The following ENTPD4 variants were observed in gnomAD, a reference collection of about 807,000 sequenced individuals.
ENTPD4 encodes the protein Golgi UDPase.
A neutral mutation model predicts 79.1 loss-of-function variants in ENTPD4; 60 were observed. The observed-to-expected ratio is 0.76, with a 90% CI of 0.62 to 0.94. The LOEUF is 0.94. ENTPD4 is among the 40% of genes least tolerant of loss of function. The pLI, the probability that ENTPD4 is intolerant of heterozygous loss-of-function variation, is 0.00. For synonymous variants in ENTPD4, 276 were observed against 292.0 expected (o/e 0.95, Z 0.56); for missense variants, 772 against 775.1 (o/e 1.00, Z 0.05).
chr8:23,435,466 T>C lies in ENTPD4; in HGVS notation c.1386A>G (p.Ala462=). ...KFTKAAKDYC[A]TKWSILRERF... ...GTTCCCGCAAAATGGACCACTTTGT[T>C]GCACAATAATCCTGAAAACAAATTC... The change falls in exon 11 of 13, where the codon GCA becomes GCG. Residue 462 remains alanine (A), a synonymous_variant. Coordinates refer to ENST00000358689, the MANE Select transcript of ENTPD4 (RefSeq NM_004901.5). 1.2e-6 allele frequency: 2 copies of C among 1,613,742 alleles called. No homozygotes were observed. The highest frequency in any genetic ancestry group is 1.7e-6 in the Non-Finnish European group (2 of 1,179,642).
intron 1 of ENTPD4, among the ~76,000 whole-genome samples, chr8:23,450,260 A>G (rs1800836036): frequency 6.6e-6 from 1 of 152,236 alleles, no homozygotes; most frequent in African/African-American, 2.4e-5. Context: ...AAATATCAGG[A>G]TATCAAATAG....
chr8:23,434,233 C>G, intron 12 of ENTPD4, 84 bp downstream of exon 12: 1 of 1,543,104 alleles, frequency 6.5e-7, no homozygotes, highest in Non-Finnish European at 8.8e-7. Flanking sequence ...ATGCCCCAAA[C>G]AGCCACAGAC....
rs988771783 is a variant in ENTPD4, at chr8:23,432,439, A to G, written c.*487T>C. ...GAATTTCCCTCTTCCCCACTCCTCA[A>G]TTTAATGCTGTACTCAAAATGGCTA... On this transcript the variant is annotated 3_prime_UTR_variant, in exon 13 of 13. Coordinates refer to ENST00000358689, the MANE Select transcript of ENTPD4 (RefSeq NM_004901.5). The G allele has an allele frequency of 5.1e-6, 5 of 985,914 alleles. No individual in the cohort carries two copies. In the African/African-American group the frequency reaches 8.7e-5, roughly 17 times the overall value. The allele number at this position is 985,914 out of a possible 1,614,324, so 61.1% of individuals were successfully genotyped here. A position where few individuals can be genotyped will look rare whatever the true frequency, so the allele number is the denominator to read the frequency against.
intron 1 of ENTPD4, among the ~76,000 whole-genome samples, chr8:23,454,692 T>C (rs1446942314): frequency 1.3e-5 from 2 of 152,156 alleles, no homozygotes; most frequent in African/African-American, 2.4e-5. Flanking sequence ...CTTTGTGTCA[T>C]CTGAGGTTTG....
In ENTPD4 at chr8:23,429,956, A is replaced by T. The variant is rs1800426630; in HGVS notation, c.*2970T>A. 1.0e-6 allele frequency: 1 copy of T among 985,458 alleles called. No homozygotes were observed. Among genetic ancestry groups the T allele is most frequent in the Non-Finnish European group, 1.2e-6 (1 of 829,938 alleles). 61.0% of individuals were successfully genotyped at this position (985,458 alleles called of 1,614,324 possible). ...TGAGAAGCCCATGATATGGCTATGG[A>T]ACATAAGCACTTATTGCTGGCATGT... On this transcript the variant is annotated 3_prime_UTR_variant, in exon 13 of 13. Coordinates refer to ENST00000358689, the MANE Select transcript of ENTPD4 (RefSeq NM_004901.5).
Position 23,437,560 on chromosome 8 carries a change from A to C in ENTPD4, c.1050-302T>G, listed in dbSNP as rs140254387. ...CTGATGTTCCCAGCTGCTGGGCACAAGGCAACTGTGTTACCAGCCCCATTT... is the reference window on the plus strand; with the variant it reads ...CTGATGTTCCCAGCTGCTGGGCACACGGCAACTGTGTTACCAGCCCCATTT... On this transcript the variant is annotated intron_variant, in intron 9 of 12. Transcript: ENST00000358689. Among the ~76,000 whole-genome samples, 1,438 of 152,306 alleles carry C rather than the reference A, an allele frequency of 9.4e-3. 22 individuals are homozygous for C. Among genetic ancestry groups the C allele is most frequent in the African/African-American group, 0.031 (1,301 of 41,564 alleles).
chr8:23,436,989 T>A lies in ENTPD4; in HGVS notation c.1319A>T (p.Asp440Val), dbSNP rs778850252. The A allele has an allele frequency of 3.1e-6, 5 of 1,613,222 alleles. No homozygotes were observed. Among genetic ancestry groups the A allele is most frequent in the Non-Finnish European group, 3.4e-6 (4 of 1,179,602 alleles). Reference protein sequence around the residue: ...GFSEFYYCTEDVLRMGGDYNA... With the variant: ...GFSEFYYCTEVVLRMGGDYNA... ...GTAGTCTCCCCCCATTCGTAACACA[T>A]CCTCGGTGCAGTAGTAGAATTCGGA... The change falls in exon 10 of 13, where the codon GAT becomes GTT. Residue 440 changes from aspartate to valine, a missense_variant. By Grantham distance (152) the Asp-to-Val change is radical. Coordinates refer to ENST00000358689, the MANE Select transcript of ENTPD4 (RefSeq NM_004901.5).
intron 2 of ENTPD4, among the ~76,000 whole-genome samples, chr8:23,449,402 A>G (rs972531162): frequency 2.6e-5 from 4 of 152,190 alleles, no homozygotes; most frequent in African/African-American, 9.7e-5. Context: ...CACCAGAAAT[A>G]TACAAATAGC....
At chr8:23,436,740 C>T (rs1162883306) in intron 10 of ENTPD4, among the ~76,000 whole-genome samples, 194 bp downstream of exon 10, 2 of 152,108 alleles carry the variant, frequency 1.3e-5, no homozygotes, top group South Asian at 2.1e-4. Context: ...CAGAAGTCAG[C>T]GTACAGTACA....
chr8:23,443,835 G>A lies in ENTPD4; in HGVS notation c.667+15C>T. On this transcript the variant is annotated intron_variant, in intron 6 of 12. Coordinates refer to ENST00000358689, the MANE Select transcript of ENTPD4 (RefSeq NM_004901.5). ...ACAGCTTCCCAAATTTTAAACTGAAGACCAATATACCAACCTTCTTGTTTC... is the reference window on the plus strand; with the variant it reads ...ACAGCTTCCCAAATTTTAAACTGAAAACCAATATACCAACCTTCTTGTTTC... 6.5e-7 allele frequency: 1 copy of A among 1,544,868 alleles called. No individual in the cohort carries two copies.
intron 3 of ENTPD4, among the ~76,000 whole-genome samples, chr8:23,448,447 CAG>C (rs987744542): frequency 1.3e-5 from 2 of 152,174 alleles, no homozygotes; most frequent in Non-Finnish European, 2.9e-5. Context: ...GGTGGGGCCT[CAG>C]GGGGATGATT....
At position 23,430,902 on chromosome 8, in the gene ENTPD4, G is replaced by C. The variant is rs1800443148; in HGVS notation, c.*2024C>G. 1 of 985,328 alleles carries C rather than the reference G, an allele frequency of 1.0e-6. No individual in the cohort carries two copies. Among genetic ancestry groups the C allele is most frequent in the Admixed American group, 6.2e-5 (1 of 16,260 alleles). 61.0% of individuals were successfully genotyped at this position (985,328 alleles called of 1,614,324 possible). A position where few individuals can be genotyped will look rare whatever the true frequency, so the allele number is the denominator to read the frequency against. On this transcript the variant is annotated 3_prime_UTR_variant, in exon 13 of 13. Coordinates refer to ENST00000358689, the MANE Select transcript of ENTPD4 (RefSeq NM_004901.5). ...GCAGGTGGCCAAGACCAACTTATTAGGTAGCCAGAAGCTCACCCCTTTCTT... is the reference window on the plus strand; with the variant it reads ...GCAGGTGGCCAAGACCAACTTATTACGTAGCCAGAAGCTCACCCCTTTCTT...
At chr8:23,448,608 C>T (rs1800803352) in intron 3 of ENTPD4, 134 bp downstream of exon 3, 1 of 719,258 alleles carries the variant, frequency 1.4e-6, no homozygotes, top group Non-Finnish European at 2.3e-6. Flanking sequence ...ATTTCCCAAC[C>T]TCTAGAACAG....
intron 4 of ENTPD4, among the ~76,000 whole-genome samples, chr8:23,447,013 TA>T (rs1800774149): frequency 6.6e-6 from 1 of 152,208 alleles, no homozygotes; most frequent in South Asian, 2.1e-4. Context: ...TATCAAGACA[TA>T]AAACTTGTTT....
In ENTPD4 at chr8:23,437,224, T is replaced by C; in HGVS notation, c.1084A>G (p.Met362Val). ...LGKQTGLTPD[M>V]PYLDPCLPLD... ...GGTAGGCAGGGGTCCAAGTACGGCA[T>C]ATCAGGAGTCAGACCAGTCTGTTTA... The change falls in exon 10 of 13, where the codon ATG becomes GTG. Residue 362 changes from methionine (M) to valine (V), a missense_variant. Transcript: ENST00000358689. The C allele has an allele frequency of 6.2e-7, 1 of 1,613,470 alleles. No homozygotes were observed. The highest frequency in any genetic ancestry group is 2.2e-5 in the East Asian group (1 of 44,872).
At chr8:23,449,411 G>A (rs1800820438) in intron 2 of ENTPD4, among the ~76,000 whole-genome samples, 1 of 152,100 alleles carries the variant, frequency 6.6e-6, no homozygotes, top group South Asian at 2.1e-4. Context: ...TATACAAATA[G>A]CTCAGGAGGA....
Position 23,429,647 on chromosome 8 carries a change from T to C in ENTPD4, c.*3279A>G, listed in dbSNP as rs951265043. 12 of 985,418 alleles carry C rather than the reference T, an allele frequency of 1.2e-5. No individual in the cohort carries two copies. Among genetic ancestry groups the C allele is most frequent in the Non-Finnish European group, 1.2e-5 (10 of 829,910 alleles). The allele number at this position is 985,418 out of a possible 1,614,324, so 61.0% of individuals were successfully genotyped here. On this transcript the variant is annotated 3_prime_UTR_variant, in exon 13 of 13. Transcript: ENST00000358689. ...TGAGTTTAAAATGTAAATATCTGTTTATCCAGAGTTTGTTAATCTAGAGTA... is the reference window on the plus strand; with the variant it reads ...TGAGTTTAAAATGTAAATATCTGTTCATCCAGAGTTTGTTAATCTAGAGTA...
At chr8:23,441,081 C>T (rs1201106760) in intron 8 of ENTPD4, among the ~76,000 whole-genome samples, 1 of 152,184 alleles carries the variant, frequency 6.6e-6, no homozygotes, top group East Asian at 1.9e-4. Context: ...GCTGCCCAGG[C>T]AGCAACTGAG....
chr8:23,430,685 G>A lies in ENTPD4; in HGVS notation c.*2241C>T. 2 of 985,480 alleles carry A rather than the reference G, an allele frequency of 2.0e-6. No individual in the cohort carries two copies. The highest frequency in any genetic ancestry group is 2.4e-6 in the Non-Finnish European group (2 of 829,970). 61.0% of individuals were successfully genotyped at this position (985,480 alleles called of 1,614,324 possible). On this transcript the variant is annotated 3_prime_UTR_variant, in exon 13 of 13. Transcript: ENST00000358689. ...CCCTTGTTTCAGGATCCTCAGGTAT[G>A]TGACTAACTCTTCTATGCCCAGAGC...
Sources: gnomAD v4.1 joint callset for allele counts (sites outside exome capture counted in the v4.1 genomes callset) on GRCh38, gnomAD v4.1.1 for gene constraint, MANE v1.5 for transcripts, NCBI Gene and HGNC (gene_info 2026-07-23, HGNC 2026-07-21) for gene names.